The following RASSF6 variants were observed in gnomAD, a reference collection of about 807,000 sequenced individuals.
RASSF6 encodes the protein ras association domain-containing protein 6.
A neutral mutation model predicts 44.0 loss-of-function variants in RASSF6; 52 were observed. The observed-to-expected ratio is 1.18, with a 90% confidence interval of 0.95 to 1.49. The LOEUF (loss-of-function observed/expected upper bound fraction) is 1.49. RASSF6 is among the 40% of genes most tolerant of loss of function. RASSF6 has a pLI of 0.00. For synonymous variants in RASSF6, 162 were observed against 124.6 expected (o/e 1.30, Z -2.00); for missense variants, 464 against 393.3 (o/e 1.18, Z -1.52).
At chr4:73,596,150 T>C (rs1378230187) in intron 3 of RASSF6, among the ~76,000 whole-genome samples, 1 of 152,070 alleles carries the variant, frequency 6.6e-6, no homozygotes, top group East Asian at 1.9e-4. Context: ...CTAAAAATGC[T>C]TTTGAAGAAA....
chr4:73,608,166 C>T (rs1356203949), intron 2 of RASSF6, among the ~76,000 whole-genome samples: 3 of 150,780 alleles, frequency 2.0e-5, no homozygotes, highest in East Asian at 3.9e-4. Context: ...GAAATAAATT[C>T]CATACATGTG....
intron 6 of RASSF6, among the ~76,000 whole-genome samples, 165 bp from the exon 7 acceptor site, chr4:73,582,455 G>A (rs1578022170): frequency 6.6e-6 from 1 of 151,946 alleles, no homozygotes; most frequent in South Asian, 2.1e-4. Context: ...AATATTATGT[G>A]TTCTTTTAAG....
chr4:73,598,613 C>A, intron 3 of RASSF6, 27 bp downstream of exon 3: 2 of 1,245,198 alleles, frequency 1.6e-6, no homozygotes, highest in South Asian at 1.3e-5. Context: ...TGAATAACAC[C>A]GGATTGCCTT....
chr4:73,594,589 T>C (rs1206278961), intron 3 of RASSF6, among the ~76,000 whole-genome samples: 1 of 152,198 alleles, frequency 6.6e-6, no homozygotes, highest in Non-Finnish European at 1.5e-5. Flanking sequence ...ATTCAATAGG[T>C]GCTCTATATT....
At chr4:73,588,202 T>G (rs984572178) in intron 4 of RASSF6, among the ~76,000 whole-genome samples, 1 of 152,090 alleles carries the variant, frequency 6.6e-6, no homozygotes, top group South Asian at 2.1e-4. Flanking sequence ...TTATATAGAT[T>G]CTGTAAAACA....
rs745561148 is a variant in RASSF6, at chr4:73,576,698, A to G, written c.755T>C (p.Leu252Pro). Reference protein sequence around the residue: ...QRRLKKTDIPLLQRLLQGPSE... With the variant: ...QRRLKKTDIPPLQRLLQGPSE... Reference sequence around the variant, plus strand: ...AGGTCCCTGTAGGAGCCTCTGCAGTAGCGGAATGTCTGTCTTCTTTAGTCG... The same window carrying G: ...AGGTCCCTGTAGGAGCCTCTGCAGTGGCGGAATGTCTGTCTTCTTTAGTCG... Residue 252 changes from leucine to proline, a missense_variant, in exon 9 of 11, where the codon CTA becomes CCA. Coordinates refer to ENST00000307439, the MANE Select transcript of RASSF6 (RefSeq NM_177532.5). 57 of 1,612,836 alleles carry G rather than the reference A, an allele frequency of 3.5e-5. 2 individuals are homozygous for G. In the South Asian group the frequency reaches 6.2e-4, roughly 17 times the overall value.
intron 2 of RASSF6, among the ~76,000 whole-genome samples, chr4:73,606,496 C>T (rs533937387): frequency 6.6e-6 from 1 of 152,068 alleles, no homozygotes; most frequent in African/African-American, 2.4e-5. Context: ...TGGGTTCATC[C>T]GTACTCCAAA....
chr4:73,598,296 G>A (rs952201403), intron 3 of RASSF6, among the ~76,000 whole-genome samples: 37 of 152,236 alleles, frequency 2.4e-4, no homozygotes, highest in African/African-American at 7.7e-4. Flanking sequence ...CTAATTGATA[G>A]AGATGTCTTC....
At chr4:73,599,849 C>T (rs1009119607) in intron 2 of RASSF6, among the ~76,000 whole-genome samples, 1 of 152,172 alleles carries the variant, frequency 6.6e-6, no homozygotes, top group African/African-American at 2.4e-5. Context: ...AGGCTGGATG[C>T]AACTGGTCTT....
intron 2 of RASSF6, among the ~76,000 whole-genome samples, chr4:73,599,356 A>G (rs772099946): frequency 2.0e-5 from 3 of 152,206 alleles, no homozygotes; most frequent in Non-Finnish European, 2.9e-5. Flanking sequence ...TGCCCCACAC[A>G]GCTGACAATG....
chr4:73,614,225 C>T (rs1726200018), intron 1 of RASSF6, among the ~76,000 whole-genome samples: 2 of 152,192 alleles, frequency 1.3e-5, no homozygotes, highest in Admixed American at 6.5e-5. Flanking sequence ...TAAGCCAAGC[C>T]ACCATCATCT....
In RASSF6 at chr4:73,599,210, G is replaced by A. The variant is rs1240451332; in HGVS notation, c.66-492C>T. 2.0e-5 allele frequency among the ~76,000 whole-genome samples: 3 copies of A among 152,306 alleles called. No homozygotes were observed. The East Asian group carries it at 5.8e-4, about 29-fold the overall frequency. ...TGAATTTCCACAGCTGTGAAATGAAGGTGATCTGTCCTACTTGCCGGGGCT... is the reference window on the plus strand; with the variant it reads ...TGAATTTCCACAGCTGTGAAATGAAAGTGATCTGTCCTACTTGCCGGGGCT... On this transcript the variant is annotated intron_variant, in intron 2 of 10. Coordinates refer to ENST00000307439, the MANE Select transcript of RASSF6 (RefSeq NM_177532.5).
intron 2 of RASSF6, among the ~76,000 whole-genome samples, chr4:73,605,615 A>AC (rs1725566221): frequency 2.0e-5 from 3 of 152,320 alleles, no homozygotes; most frequent in African/African-American, 7.2e-5. Flanking sequence ...AAATGAAGGG[A>AC]CTGAGTTCCA....
chr4:73,618,323 A>ATCTATCTATCTATCTATCT (rs1553906728), intron 1 of RASSF6, among the ~76,000 whole-genome samples: 1 of 152,022 alleles, frequency 6.6e-6, no homozygotes, highest in Non-Finnish European at 1.5e-5. Context: ...CTATCTATCT[A>ATCTATCTATCTATCTATCT]AACAGATTTT....
At position 73,575,161 on chromosome 4, in the gene RASSF6, A is replaced by G. The variant is rs1488938670; in HGVS notation, c.*1074T>C. ...CTCATTCCTTAGTACATGTAATATG[A>G]TCAATTTACTACAATGCTTATGAGG... On this transcript the variant is annotated 3_prime_UTR_variant, in exon 11 of 11. Coordinates refer to ENST00000307439, the MANE Select transcript of RASSF6 (RefSeq NM_177532.5). 1 of 152,210 alleles carries G rather than the reference A, an allele frequency of 6.6e-6. No homozygotes were observed. The highest frequency in any genetic ancestry group is 1.9e-4 in the East Asian group (1 of 5,208). The allele number at this position is 152,210 out of a possible 1,614,324, so 9.4% of individuals were successfully genotyped here.
intron 8 of RASSF6, among the ~76,000 whole-genome samples, chr4:73,577,149 A>G (rs1723288649): frequency 6.6e-6 from 1 of 152,126 alleles, no homozygotes; most frequent in South Asian, 2.1e-4. Flanking sequence ...ATTATTTTCA[A>G]TTCTTCCTTT....
intron 2 of RASSF6, chr4:73,604,327 T>A (rs904535711): frequency 6.6e-6 from 1 of 152,022 alleles, no homozygotes; most frequent in Non-Finnish European, 1.5e-5. Flanking sequence ...TAGAAAAAAA[T>A]AGCCAGGTGT....
rs80195336 is a variant in RASSF6 at position 73,600,999 on chromosome 4, T to C, written c.66-2281A>G. On this transcript the variant is annotated intron_variant, in intron 2 of 10. Coordinates refer to ENST00000307439, the MANE Select transcript of RASSF6 (RefSeq NM_177532.5). ...ACTGTAAAGAAACTTCAGGGACACT[T>C]GGGATGCAACTCCTGATATGCTGAG... Among the ~76,000 whole-genome samples the C allele has an allele frequency of 2.7e-3, 410 of 152,338 alleles. 1 individual carries two copies. The highest frequency in any genetic ancestry group is 9.6e-3 in the African/African-American group (401 of 41,582).
intron 1 of RASSF6, among the ~76,000 whole-genome samples, chr4:73,615,173 T>G (rs1726269350): frequency 2.1e-5 from 1 of 48,578 alleles, no homozygotes; most frequent in African/African-American, 9.3e-5. Flanking sequence ...AGTGTGACTC[T>G]GTCTCAAAAA....
Sources: gnomAD v4.1 joint callset for allele counts (sites outside exome capture counted in the v4.1 genomes callset) on GRCh38, gnomAD v4.1.1 for gene constraint, MANE v1.5 for transcripts, NCBI Gene and HGNC (gene_info 2026-07-23, HGNC 2026-07-21) for gene names.